Variants in EPG5 observed in about 807,000 individuals in gnomAD.
The protein encoded by EPG5 is ectopic P-granules 5 autophagy tethering factor, also known as ectopic P granules protein 5 homolog.
A neutral mutation model predicts 302.7 loss-of-function variants in EPG5; 159 were observed. That is an observed-to-expected ratio of 0.53 (90% CI 0.46 to 0.60). EPG5 has a LOEUF of 0.60. Ranked by LOEUF, EPG5 falls within the 20% of genes least tolerant of loss-of-function variation. The pLI, the probability that EPG5 is intolerant of heterozygous loss-of-function variation, is 0.00. For synonymous variants in EPG5, 1,158 were observed against 1,136.8 expected (o/e 1.02, Z -0.37); for missense variants, 2,896 against 3,092.4 (o/e 0.94, Z 1.51).
At chr18:45,825,582 C>G in the EPG5 span, 5 of 744,192 alleles carry the variant, frequency 6.7e-6, no homozygotes, top group Non-Finnish European at 9.0e-6. Flanking sequence ...CCAGTTCCTC[C>G]GGCTCCCGCA....
chr18:45,874,236 G>A (rs11665572), intron 35 of EPG5, among the ~76,000 whole-genome samples: 10,725 of 152,210 alleles, frequency 0.07, 518 homozygotes, highest in Non-Finnish European at 0.11. Context: ...GTCCAGAGTG[G>A]GGAAGGCTTG....
intron 27 of EPG5, chr18:45,890,189 A>C: frequency 3.3e-6 from 1 of 299,110 alleles, no homozygotes; most frequent in Non-Finnish European, 6.3e-6. Flanking sequence ...GTCTTCCACC[A>C]CTGAGGCTTT....
intron 36 of EPG5, among the ~76,000 whole-genome samples, chr18:45,868,958 G>A (rs1426630331): frequency 2.6e-5 from 4 of 151,656 alleles, no homozygotes; most frequent in Admixed American, 2.0e-4. Flanking sequence ...GGGAGGCTGA[G>A]GCAGGAGAAT....
chr18:45,884,579 C>T (rs775048652), intron 30 of EPG5, 38 bp downstream of exon 30: 48 of 1,529,618 alleles, frequency 3.1e-5, no homozygotes, highest in Non-Finnish European at 3.9e-5. Flanking sequence ...ATCATTCCTA[C>T]GTTTCAACAA....
At chr18:45,962,007 G>T (rs1271949894) in intron 1 of EPG5, among the ~76,000 whole-genome samples, 1 of 151,904 alleles carries the variant, frequency 6.6e-6, no homozygotes. Context: ...TGTTTAGCTT[G>T]CTTGTTTTTT....
Position 45,865,599 on chromosome 18 carries a change from C to G in EPG5, c.6766+16G>C, listed in dbSNP as rs1265119893. Reference sequence around the variant, plus strand: ...CATTGACTGAATGAATACAGGACTTCCGACTGGTCACTTACCGGGCGGGTT... The same window carrying G: ...CATTGACTGAATGAATACAGGACTTGCGACTGGTCACTTACCGGGCGGGTT... On this transcript the variant is annotated intron_variant, in intron 39 of 43. Transcript: ENST00000282041. The G allele has an allele frequency of 1.2e-6, 2 of 1,613,258 alleles. No individual in the cohort carries two copies. Among genetic ancestry groups the G allele is most frequent in the Non-Finnish European group, 1.7e-6 (2 of 1,179,598 alleles).
In EPG5 at chr18:45,954,729, CA is replaced by C; in HGVS notation, c.672del (p.Gly225GlufsTer9). ...ACTGCCACCAAAGCTGGTGCTTCTC[CA>C]GCAATTTCAGCTGGCAACTGGGGAT... ...KLYPQLPAEIAGEAPALVAVK... is the reference protein window; with the variant it reads ...KLYPQLPAEIXGEAPALVAVK... On this transcript the variant is annotated frameshift_variant, in exon 2 of 44. Coordinates refer to ENST00000282041, the MANE Select transcript of EPG5 (RefSeq NM_020964.3). LOFTEE classifies it high-confidence loss of function. The C allele has an allele frequency of 6.2e-7, 1 of 1,613,982 alleles. No homozygotes were observed. Among genetic ancestry groups the C allele is most frequent in the Non-Finnish European group, 8.5e-7 (1 of 1,179,982 alleles).
the EPG5 span, among the ~76,000 whole-genome samples, chr18:45,813,359 G>A: frequency 4.0e-3 from 615 of 152,296 alleles, 6 homozygotes; most frequent in African/African-American, 0.014. Context: ...TCAGTGTGGC[G>A]ATTTCTCAAG....
chr18:45,824,216 T>A, the EPG5 span, among the ~76,000 whole-genome samples: 6 of 151,386 alleles, frequency 4.0e-5, no homozygotes, highest in African/African-American at 1.5e-4. Context: ...AACTTTTTTA[T>A]TTTTTTTTGA....
intron 20 of EPG5, among the ~76,000 whole-genome samples, chr18:45,914,811 C>T (rs549414596): frequency 9.8e-4 from 149 of 152,278 alleles, no homozygotes; most frequent in African/African-American, 3.5e-3. Context: ...TGAGACAGTC[C>T]TTAATTCCAC....
At chr18:45,865,286 T>C (rs1469710246) in intron 39 of EPG5, among the ~76,000 whole-genome samples, 1 of 152,230 alleles carries the variant, frequency 6.6e-6, no homozygotes, top group East Asian at 1.9e-4. Context: ...ACACAGTTTC[T>C]TGACAAGTCT....
downstream of EPG5, chr18:45,843,625 T>G (rs1285162959): frequency 6.6e-6 from 1 of 152,322 alleles, no homozygotes; most frequent in African/African-American, 2.4e-5. Context: ...ATGCCTGTAA[T>G]CCCAGCACCC....
chr18:45,930,881 C>A lies in EPG5; in HGVS notation c.2258-51G>T, dbSNP rs765873000. 15 of 1,443,022 alleles carry A rather than the reference C, an allele frequency of 1.0e-5. No individual in the cohort carries two copies. In the African/African-American group the frequency reaches 2.1e-4, roughly 20 times the overall value. The allele number at this position is 1,443,022 out of a possible 1,614,324, so 89.4% of individuals were successfully genotyped here. A position where few individuals can be genotyped will look rare whatever the true frequency, so the allele number is the denominator to read the frequency against. The stretch of plus-strand genomic sequence containing the variant: ...GAGTGGGGAAAGAATAAATTTATAT[C>A]TTTTAATCACTCTTCCAGAGAAAAA... On this transcript the variant is annotated intron_variant, in intron 11 of 43. Transcript: ENST00000282041.
chr18:45,943,538 C>T (rs1020002880), intron 8 of EPG5, among the ~76,000 whole-genome samples: 1 of 152,102 alleles, frequency 6.6e-6, no homozygotes, highest in African/African-American at 2.4e-5. Context: ...AGCTAGCTTT[C>T]TCACATTTAA....
chr18:45,953,795 C>G (rs900019611), intron 2 of EPG5: 1 of 985,204 alleles, frequency 1.0e-6, no homozygotes, highest in African/African-American at 1.7e-5. Context: ...TCAGTTACTA[C>G]CTTCAGATTC....
chr18:45,902,633 A>T (rs1258948795), intron 25 of EPG5, among the ~76,000 whole-genome samples: 1 of 152,260 alleles, frequency 6.6e-6, no homozygotes, highest in Non-Finnish European at 1.5e-5. Flanking sequence ...TTTTCCTACA[A>T]CCAATCATAA....
At chr18:45,920,817 A>C (rs937616784) in intron 16 of EPG5, among the ~76,000 whole-genome samples, 6 of 152,222 alleles carry the variant, frequency 3.9e-5, no homozygotes, top group African/African-American at 1.4e-4. Flanking sequence ...ACAAACATCC[A>C]AACTGCGACA....
chr18:45,843,048 GC>G (rs2145091001), downstream of EPG5: 1 of 152,400 alleles, frequency 6.6e-6, no homozygotes, highest in African/African-American at 2.4e-5. Context: ...ATTGCCTTGA[GC>G]TGGGACCCCT....
At position 45,915,590 on chromosome 18, in the gene EPG5, A is replaced by C. The variant is rs767330132; in HGVS notation, c.3614T>G (p.Leu1205Arg). ...AATCCAGCTTACCAAAGATGAGAGC[A>C]GACTCCGGTCACAGTGGTAACCCAA... ...NALGYHCDRSLLSSLVSWIVA... is the reference protein window; with the variant it reads ...NALGYHCDRSRLSSLVSWIVA... The change falls in exon 20 of 44, where the codon CTG becomes CGG. Residue 1205 changes from leucine to arginine, a missense_variant. Leu to Arg is a moderately radical substitution (Grantham distance 102, BLOSUM62 -2). Around this residue, in one of 5 missense-constraint regions of EPG5, gnomAD observed 1,390 missense variants for 1,430.0 expected, o/e 0.97. Transcript: ENST00000282041. 1 of 1,614,236 alleles carries C rather than the reference A, an allele frequency of 6.2e-7. No individual in the cohort carries two copies. The highest frequency in any genetic ancestry group is 8.5e-7 in the Non-Finnish European group (1 of 1,180,036).
Sources: gnomAD v4.1 joint callset for allele counts (sites outside exome capture counted in the v4.1 genomes callset) on GRCh38, gnomAD v4.1.1 for gene constraint, gnomAD v4.1.1 regional missense constraint, MANE v1.5 for transcripts, NCBI Gene and HGNC (gene_info 2026-07-23, HGNC 2026-07-21) for gene names.